Variants in LRP1B observed in about 807,000 individuals in gnomAD.
LRP1B encodes the protein LDL receptor related protein 1B.
Under a neutral mutation model 556.6 loss-of-function variants are expected in LRP1B, and 217 were observed. The observed-to-expected ratio is 0.39, with a 90% CI of 0.35 to 0.44. The LOEUF is 0.44. Ranked by LOEUF, LRP1B falls within the 20% of genes least tolerant of loss-of-function variation. LRP1B has a pLI of 1.00. For missense variants in LRP1B, 5,053 were observed against 5,620.8 expected (o/e 0.90, Z 3.23); for synonymous variants, 2,047 against 1,865.8 (o/e 1.10, Z -2.50).
At chr2:140,561,534 T>C (rs1275701779) in intron 43 of LRP1B, among the ~76,000 whole-genome samples, 8 of 152,314 alleles carry the variant, frequency 5.3e-5, no homozygotes, top group African/African-American at 1.7e-4. Context: ...TGTTAGCCTA[T>C]CTTTTGTTAT....
intron 1 of LRP1B, among the ~76,000 whole-genome samples, chr2:142,014,034 A>G (rs1703038911): frequency 6.6e-6 from 1 of 152,208 alleles, no homozygotes. Flanking sequence ...AATTAAGAAA[A>G]TTAATCCTTT....
chr2:141,710,656 C>A (rs1026376745), intron 2 of LRP1B, among the ~76,000 whole-genome samples: 2 of 152,100 alleles, frequency 1.3e-5, no homozygotes, highest in Non-Finnish European at 2.9e-5. Context: ...TAAAGCTTCA[C>A]TTGAAACTAC....
chr2:141,964,949 A>T (rs981930996), intron 1 of LRP1B, among the ~76,000 whole-genome samples: 7 of 150,080 alleles, frequency 4.7e-5, no homozygotes, highest in Non-Finnish European at 1.0e-4. Context: ...ATGAACAGAC[A>T]CTTCTCAAAA....
Position 141,964,429 on chromosome 2 carries a change from G to T in LRP1B, c.83-154028C>A, listed in dbSNP as rs879373327. On this transcript the variant is annotated intron_variant, in intron 1 of 90. Transcript: ENST00000389484. The stretch of plus-strand genomic sequence containing the variant: ...TCAATGGAACAGAACAGAGCCCTCA[G>T]AAATAATGCCGCATACCTACAACTA... Among the ~76,000 whole-genome samples the T allele has an allele frequency of 4.3e-3, 641 of 148,036 alleles. 6 individuals carry two copies. Among genetic ancestry groups the T allele is most frequent in the African/African-American group, 0.013 (545 of 40,482 alleles).
chr2:142,099,731 C>A (rs1215901940), intron 1 of LRP1B, among the ~76,000 whole-genome samples: 1 of 151,884 alleles, frequency 6.6e-6, no homozygotes, highest in Non-Finnish European at 1.5e-5. Context: ...CCCCTTTCTT[C>A]AATCTTCAAA....
chr2:141,866,834 G>A (rs1302908126), intron 1 of LRP1B, among the ~76,000 whole-genome samples: 1 of 150,580 alleles, frequency 6.6e-6, no homozygotes, highest in African/African-American at 2.4e-5. Flanking sequence ...AATAGAAGGA[G>A]AGAGGAAAGG....
chr2:141,964,207 C>A (rs1701490065), intron 1 of LRP1B, among the ~76,000 whole-genome samples: 1 of 150,516 alleles, frequency 6.6e-6, no homozygotes, highest in Non-Finnish European at 1.5e-5. Flanking sequence ...CCCCATCAAG[C>A]TACCAATGAC....
At chr2:140,745,606 C>T (rs1361887575) in intron 35 of LRP1B, among the ~76,000 whole-genome samples, 2 of 151,916 alleles carry the variant, frequency 1.3e-5, no homozygotes, top group East Asian at 1.9e-4. Flanking sequence ...TTTGTGAGTT[C>T]ACCCTCTCTT....
intron 43 of LRP1B, among the ~76,000 whole-genome samples, chr2:140,568,853 TAAA>T (rs777037919): frequency 6.6e-6 from 1 of 151,786 alleles, no homozygotes; most frequent in Non-Finnish European, 1.5e-5. Context: ...AAATGAAAGA[TAAA>T]AAAATTGCCA....
rs115916997 is a variant in LRP1B at position 141,470,816 on chromosome 2, T to G, written c.343+9580A>C. Among the ~76,000 whole-genome samples the G allele has an allele frequency of 2.9e-3, 443 of 152,346 alleles. 3 individuals carry two copies. Among genetic ancestry groups the G allele is most frequent in the African/African-American group, 0.01 (431 of 41,582 alleles). On this transcript the variant is annotated intron_variant, in intron 3 of 90. Coordinates refer to ENST00000389484, the MANE Select transcript of LRP1B (RefSeq NM_018557.3). Reference sequence around the variant, plus strand: ...TATAATTCATACTTTTGAATAATATTAAAACAATGATATATTTTTCAAAGT... The same window carrying G: ...TATAATTCATACTTTTGAATAATATGAAAACAATGATATATTTTTCAAAGT...
chr2:140,989,510 G>A (rs2105352573), intron 17 of LRP1B, 22 bp downstream of exon 17: 2 of 1,611,748 alleles, frequency 1.2e-6, no homozygotes, highest in Non-Finnish European at 1.7e-6. Context: ...AGATTTACGT[G>A]TATATCCAAG....
intron 6 of LRP1B, among the ~76,000 whole-genome samples, chr2:141,204,250 C>A (rs964858197): frequency 3.8e-4 from 58 of 152,224 alleles, no homozygotes; most frequent in Non-Finnish European, 7.8e-4. Context: ...CCTTTGATTG[C>A]TGTTTTTTCA....
chr2:140,366,927 A>G (rs1682786939), intron 71 of LRP1B, among the ~76,000 whole-genome samples: 1 of 151,742 alleles, frequency 6.6e-6, no homozygotes, highest in South Asian at 2.1e-4. Context: ...TTGAGGGTAC[A>G]GGAGAGCAAA....
chr2:140,291,754 G>T (rs1376653646), intron 84 of LRP1B, among the ~76,000 whole-genome samples: 1 of 152,076 alleles, frequency 6.6e-6, no homozygotes, highest in Non-Finnish European at 1.5e-5. Context: ...ATTGTGAATA[G>T]TGCCACAATA....
chr2:140,746,912 A>G (rs546725348), intron 35 of LRP1B, among the ~76,000 whole-genome samples: 1 of 152,264 alleles, frequency 6.6e-6, no homozygotes, highest in East Asian at 1.9e-4. Context: ...TTCCTTTCAA[A>G]CAGACTTATG....
intron 20 of LRP1B, among the ~76,000 whole-genome samples, chr2:140,949,961 A>AAAAAAAAAAAAAAAG (rs1559212567): frequency 2.2e-5 from 2 of 90,920 alleles, no homozygotes. Flanking sequence ...AAAAAAAAAA[A>AAAAAAAAAAAAAAAG]AAAGAAAAAA....
chr2:141,075,227 G>C (rs1699755705), intron 7 of LRP1B, among the ~76,000 whole-genome samples: 2 of 152,142 alleles, frequency 1.3e-5, no homozygotes, highest in Admixed American at 1.3e-4. Context: ...AGTAGAAATG[G>C]AAAAGAGAAG....
intron 7 of LRP1B, among the ~76,000 whole-genome samples, chr2:141,158,204 A>T (rs73962833): frequency 0.029 from 4,453 of 152,136 alleles, 217 homozygotes; most frequent in African/African-American, 0.1. Context: ...CTCTTTTATC[A>T]TGTATGTTTC....
chr2:141,536,347 ATAG>A (rs1685068945), intron 2 of LRP1B, among the ~76,000 whole-genome samples: 1 of 152,078 alleles, frequency 6.6e-6, no homozygotes, highest in African/African-American at 2.4e-5. Context: ...TTTTCCATTA[ATAG>A]TAGTTTTTAA....
Sources: allele counts gnomAD v4.1 joint callset (sites outside exome capture counted in the v4.1 genomes callset), GRCh38; gene constraint gnomAD v4.1.1; transcripts MANE v1.5; gene names NCBI Gene and HGNC (gene_info 2026-07-23, HGNC 2026-07-21).